PCMT1: variants seen among roughly 807,000 people sequenced by gnomAD.
The protein encoded by PCMT1 is protein-L-isoaspartate (D-aspartate) O-methyltransferase.
In PCMT1, 9 loss-of-function variants were observed where a neutral mutation model predicts 29.2. That is an observed-to-expected ratio of 0.31 (90% CI 0.19 to 0.54). The LOEUF (loss-of-function observed/expected upper bound fraction) is 0.54. PCMT1 is among the 20% of genes least tolerant of loss of function. The pLI is 0.95. For missense variants in PCMT1, 184 were observed against 282.2 expected, an observed-to-expected ratio of 0.65 and a Z score of 2.49; for synonymous variants, 98 against 97.5, an observed-to-expected ratio of 1.00 and a Z score of -0.03.
intron 3 of PCMT1, among the ~76,000 whole-genome samples, chr6:149,788,008 C>T (rs922911133): frequency 6.6e-6 from 1 of 152,132 alleles, no homozygotes; most frequent in African/African-American, 2.4e-5. Context: ...AGCTCCGCCT[C>T]TCGGGTTCAC....
intron 3 of PCMT1, among the ~76,000 whole-genome samples, chr6:149,777,331 T>C (rs549378740): frequency 9.4e-4 from 143 of 152,356 alleles, no homozygotes; most frequent in Middle Eastern, 3.4e-3. Flanking sequence ...AATGCATGTA[T>C]GGGTACTTGA....
At chr6:149,772,055 T>C (rs1434816802) in intron 2 of PCMT1, 3 of 456,728 alleles carry the variant, frequency 6.6e-6, no homozygotes, top group African/African-American at 2.0e-5. Flanking sequence ...CAGGTTTTGC[T>C]GAACTGCTGA....
At chr6:149,758,813 C>T (rs1217346512) in intron 1 of PCMT1, among the ~76,000 whole-genome samples, 1 of 152,128 alleles carries the variant, frequency 6.6e-6, no homozygotes, top group Non-Finnish European at 1.5e-5. Context: ...ATCTCTGGTA[C>T]TTAGAGAATA....
chr6:149,774,901 G>A (rs1163480617), intron 3 of PCMT1, among the ~76,000 whole-genome samples: 1 of 151,710 alleles, frequency 6.6e-6, no homozygotes, highest in African/African-American at 2.4e-5. Context: ...TAGAGACGGG[G>A]TTTCACCATG....
At chr6:149,752,258 C>T (rs1786353017) in intron 1 of PCMT1, among the ~76,000 whole-genome samples, 3 of 151,380 alleles carry the variant, frequency 2.0e-5, no homozygotes, top group Non-Finnish European at 4.4e-5. Flanking sequence ...AGTGCAATGG[C>T]GTGATCTTGG....
chr6:149,786,135 C>T (rs548741344), intron 3 of PCMT1, among the ~76,000 whole-genome samples: 1 of 120,784 alleles, frequency 8.3e-6, no homozygotes, highest in Non-Finnish European at 1.6e-5. Context: ...CCTCACCTCC[C>T]GGACGGGGCG....
intron 3 of PCMT1, among the ~76,000 whole-genome samples, chr6:149,786,406 G>T (rs1187805355): frequency 1.4e-5 from 2 of 138,404 alleles, no homozygotes; most frequent in East Asian, 4.8e-4. Context: ...TGGCTGGCCG[G>T]GCGGGGGCTG....
At chr6:149,776,875 T>G (rs1263556381) in intron 3 of PCMT1, among the ~76,000 whole-genome samples, 1 of 152,206 alleles carries the variant, frequency 6.6e-6, no homozygotes, top group African/African-American at 2.4e-5. Context: ...TGAATGTTTT[T>G]GGAAGACAAT....
chr6:149,757,798 G>A (rs1786568801), intron 1 of PCMT1, among the ~76,000 whole-genome samples: 1 of 152,118 alleles, frequency 6.6e-6, no homozygotes, highest in African/African-American at 2.4e-5. Flanking sequence ...ATGTACACTA[G>A]ATCTCTAAGG....
chr6:149,790,119 GT>G, intron 4 of PCMT1, 61 bp downstream of exon 4: 8 of 995,604 alleles, frequency 8.0e-6, no homozygotes, highest in East Asian at 2.5e-5. Flanking sequence ...TTGGCTGTAT[GT>G]TTTTTTAACT....
In PCMT1 at chr6:149,802,356, A is replaced by G; in HGVS notation, c.661A>G (p.Lys221Glu). The G allele has an allele frequency of 6.2e-7, 1 of 1,611,400 alleles. No homozygotes were observed. The highest frequency in any genetic ancestry group is 8.5e-7 in the Non-Finnish European group (1 of 1,178,462). ...VIYVPLTDKEKQWSRWK is the reference protein window; with the variant it reads ...VIYVPLTDKEEQWSRWK The stretch of plus-strand genomic sequence containing the variant: ...ATACGTGCCTTTAACAGATAAAGAA[A>G]AGCAGTGGTCCAGGTGGAAGTGATT... The change falls in exon 7 of 8, where the codon AAG becomes GAG. Residue 221 changes from lysine to glutamate, a missense_variant. Transcript: ENST00000464889.
chr6:149,760,020 T>TA lies in PCMT1; in HGVS notation c.55+10065dup, dbSNP rs149707177. Among the ~76,000 whole-genome samples, 330 of 152,320 alleles carry TA rather than the reference T, an allele frequency of 2.2e-3. 3 individuals carry two copies. The highest frequency in any genetic ancestry group is 0.02 in the East Asian group (102 of 5,184). On this transcript the variant is annotated intron_variant, in intron 1 of 7. Coordinates refer to ENST00000464889, the MANE Select transcript of PCMT1 (RefSeq NM_001360452.2). ...CCAGCCCAGGTTCGTAGTTGAAACT[T>TA]ACGAGTAACATACCTGGTGTCTGAT... is the stretch of plus-strand genomic sequence containing the variant.
intron 3 of PCMT1, among the ~76,000 whole-genome samples, chr6:149,778,862 T>C (rs970695985): frequency 1.3e-5 from 2 of 152,092 alleles, no homozygotes; most frequent in Non-Finnish European, 2.9e-5. Flanking sequence ...AAACCATAGA[T>C]TAGGAATGAC....
chr6:149,759,503 CT>C (rs1039772006), intron 1 of PCMT1, among the ~76,000 whole-genome samples: 2 of 151,206 alleles, frequency 1.3e-5, no homozygotes, highest in African/African-American at 4.9e-5. Context: ...TTCTTTCTTT[CT>C]TTTTTTTGAG....
intron 3 of PCMT1, among the ~76,000 whole-genome samples, chr6:149,781,204 GTTT>G (rs1408665915): frequency 1.2e-4 from 3 of 24,390 alleles, no homozygotes; most frequent in East Asian, 6.0e-3. Flanking sequence ...TTTTTTTTTT[GTTT>G]TTTTTTTTTA....
At chr6:149,765,597 G>A (rs1787046717) in intron 1 of PCMT1, 1 of 263,172 alleles carries the variant, frequency 3.8e-6, no homozygotes, top group Admixed American at 5.1e-5. Flanking sequence ...AATATTCATT[G>A]TTACTTGGAA....
chr6:149,749,745 T>G lies in PCMT1; in HGVS notation c.-157T>G. 6.5e-7 allele frequency: 1 copy of G among 1,546,134 alleles called. No individual in the cohort carries two copies. ...CGCGGGGGATGCCGGGAGCGCGCAG[T>G]GGCGGCAGCGGCGGCGACGGCAGTA... On this transcript the variant is annotated 5_prime_UTR_variant, in exon 1 of 8. Coordinates refer to ENST00000464889, the MANE Select transcript of PCMT1 (RefSeq NM_001360452.2).
At position 149,749,900 on chromosome 6, in the gene PCMT1, C is replaced by T. The variant is rs1165670020; in HGVS notation, c.-2C>T. Reference sequence around the variant, plus strand: ...CTGTACCTGCTCCGAGTGTGCTTAGCGATGGCCTGGAAATCCGGCGGCGCC... The same window carrying T: ...CTGTACCTGCTCCGAGTGTGCTTAGTGATGGCCTGGAAATCCGGCGGCGCC... On this transcript the variant is annotated 5_prime_UTR_variant, in exon 1 of 8. Coordinates refer to ENST00000464889, the MANE Select transcript of PCMT1 (RefSeq NM_001360452.2). 1.2e-6 allele frequency: 2 copies of T among 1,608,538 alleles called. No individual in the cohort carries two copies. The highest frequency in any genetic ancestry group is 1.7e-6 in the Non-Finnish European group (2 of 1,177,898).
intron 1 of PCMT1, among the ~76,000 whole-genome samples, chr6:149,762,932 ATATGATATATATATC>A (rs1786876791): frequency 1.7e-5 from 1 of 58,236 alleles, no homozygotes; most frequent in Non-Finnish European, 2.4e-5. Flanking sequence ...TCTATGATAT[ATATGATATATATATC>A]TATGATATGT....
Sources: allele counts gnomAD v4.1 joint callset (sites outside exome capture counted in the v4.1 genomes callset), GRCh38; gene constraint gnomAD v4.1.1; transcripts MANE v1.5; gene names NCBI Gene and HGNC (gene_info 2026-07-23, HGNC 2026-07-21).